Variants in SLC2A9 observed in about 807,000 individuals in gnomAD.
The protein encoded by SLC2A9 is solute carrier family 2, facilitated glucose transporter member 9.
SLC2A9 carries 39 observed loss-of-function variants against 50.6 expected under a neutral mutation model. That is an observed-to-expected ratio of 0.77 (90% confidence interval 0.60 to 1.01). The LOEUF (loss-of-function observed/expected upper bound fraction) is 1.01. Among genes scored for constraint, SLC2A9 ranks in the 50% least tolerant of loss-of-function variants. The pLI is 0.00. For missense variants in SLC2A9, 686 were observed against 677.6 expected (o/e 1.01, Z -0.14); for synonymous variants, 324 against 276.9 (o/e 1.17, Z -1.69).
At chr4:9,862,164 C>T (rs1560205890) in intron 10 of SLC2A9, among the ~76,000 whole-genome samples, 1 of 150,866 alleles carries the variant, frequency 6.6e-6, no homozygotes, top group Non-Finnish European at 1.5e-5. Context: ...AGATATTCTG[C>T]TCCCACCCTC....
chr4:9,774,181 A>T (rs1444224035), intron 1 of SLC2A9, among the ~76,000 whole-genome samples: 1 of 151,728 alleles, frequency 6.6e-6, no homozygotes, highest in Non-Finnish European at 1.5e-5. Flanking sequence ...TTTAGTAGAG[A>T]TGGGGTTTTG....
At chr4:9,850,279 G>C (rs1729665045) in intron 10 of SLC2A9, among the ~76,000 whole-genome samples, 2 of 152,200 alleles carry the variant, frequency 1.3e-5, no homozygotes, top group Non-Finnish European at 2.9e-5. Context: ...ACGACAGGGA[G>C]AACTGCTTAG....
At chr4:9,920,977 G>A (rs1350536538) in intron 6 of SLC2A9, among the ~76,000 whole-genome samples, 3 of 152,158 alleles carry the variant, frequency 2.0e-5, no homozygotes, top group Non-Finnish European at 1.5e-5. Context: ...ACCATGGCTC[G>A]GAGCTTCCCA....
intron 7 of SLC2A9, among the ~76,000 whole-genome samples, chr4:9,919,558 A>AC (rs34426626): frequency 0.51 from 77,738 of 151,876 alleles, 20,582 homozygotes; most frequent in East Asian, 0.68. Context: ...AAGCTGTCTT[A>AC]CTGGGGCCCT....
At chr4:9,792,174 T>C (rs1292948581) in intron 3 of SLC2A9, among the ~76,000 whole-genome samples, 2 of 142,034 alleles carry the variant, frequency 1.4e-5, no homozygotes, top group East Asian at 4.0e-4. Flanking sequence ...TTTTTTTTTT[T>C]TTTTTTTTTT....
At position 9,936,826 on chromosome 4, in the gene SLC2A9, C is replaced by T. The variant is rs1358887328; in HGVS notation, c.814+5087G>A. Among the ~76,000 whole-genome samples, 9 of 152,150 alleles carry T rather than the reference C, an allele frequency of 5.9e-5. 1 individual carries two copies. ...TGAAATCTTTGATATGGTCTCTAAACTCTCTGGTGATTTGTTGTACATGGG... is the reference window on the plus strand; with the variant it reads ...TGAAATCTTTGATATGGTCTCTAAATTCTCTGGTGATTTGTTGTACATGGG... On this transcript the variant is annotated intron_variant, in intron 6 of 11. Coordinates refer to ENST00000264784, the MANE Select transcript of SLC2A9 (RefSeq NM_020041.3).
At chr4:9,808,856 G>T (rs1367797438) in intron 3 of SLC2A9, among the ~76,000 whole-genome samples, 1 of 152,110 alleles carries the variant, frequency 6.6e-6, no homozygotes, top group African/African-American at 2.4e-5. Context: ...AACTCCAGGG[G>T]CACCATTCAC....
chr4:9,985,797 G>A lies in SLC2A9; in HGVS notation c.411-4C>T, dbSNP rs780287340. On this transcript the variant is annotated splice_polypyrimidine_tract_variant and splice_region_variant and intron_variant, in intron 3 of 11. Coordinates refer to ENST00000264784, the MANE Select transcript of SLC2A9 (RefSeq NM_020041.3). ...ATTGGCCAGCAAAGTGTGCTTCCTG[G>A]AAAGAAAGGAAAGATTTGATGAAGA... 5.0e-6 allele frequency: 8 copies of A among 1,613,984 alleles called. No homozygotes were observed. In the Admixed American group the frequency reaches 6.7e-5, roughly 13 times the overall value.
chr4:9,942,878 C>A (rs540874923), intron 5 of SLC2A9, among the ~76,000 whole-genome samples: 1 of 152,202 alleles, frequency 6.6e-6, no homozygotes, highest in African/African-American at 2.4e-5. Flanking sequence ...GAGGAAAAAC[C>A]AAGTCCTCAA....
At chr4:10,024,159 C>G (rs1015292613), upstream of SLC2A9, among the ~76,000 whole-genome samples, 1 of 152,170 alleles carries the variant, frequency 6.6e-6, no homozygotes, top group Admixed American at 6.5e-5. Context: ...CCCAACCTCT[C>G]GCTGCCTCTG....
At chr4:10,005,403 G>A (rs186012784) in intron 2 of SLC2A9, among the ~76,000 whole-genome samples, 15 of 152,330 alleles carry the variant, frequency 9.8e-5, no homozygotes, top group Admixed American at 2.6e-4. Context: ...TTGCCTGCCA[G>A]CCTCAGGAGT....
chr4:10,032,733 T>C (rs1763975017), intron 1 of SLC2A9, among the ~76,000 whole-genome samples: 1 of 152,152 alleles, frequency 6.6e-6, no homozygotes, highest in East Asian at 1.9e-4. Context: ...CTACTGTCAT[T>C]ACCCAGCCCG....
rs1748178060 is a variant in SLC2A9, at chr4:9,941,790, G to C, written c.814+123C>G. ...AAGGTACCCTATGATACCCAGCCCA[G>C]TGCCTGCAAAAAGGAACAATGACAA... On this transcript the variant is annotated intron_variant, in intron 6 of 11. Transcript: ENST00000264784. The C allele has an allele frequency of 5.7e-6, 8 of 1,397,930 alleles. No homozygotes were observed. The South Asian group carries it at 7.3e-5, about 13-fold the overall frequency. The allele number at this position is 1,397,930 out of a possible 1,614,324, so 86.6% of individuals were successfully genotyped here.
At position 10,018,925 on chromosome 4, in the gene SLC2A9, G is replaced by A. The variant is rs757774451; in HGVS notation, c.249+50C>T. On this transcript the variant is annotated intron_variant, in intron 2 of 11. Transcript: ENST00000264784. ...AGCCCAGGGCCCTTGCGCACCCGAA[G>A]GTTTCCGCAGGGCCGCAGCGCCCTC... The A allele has an allele frequency of 8.5e-6, 13 of 1,533,856 alleles. No individual in the cohort carries two copies. The African/African-American group carries it at 1.4e-4, about 16-fold the overall frequency.
chr4:9,851,719 G>GA (rs59107876), intron 10 of SLC2A9, among the ~76,000 whole-genome samples: 33,800 of 151,950 alleles, frequency 0.22, 3,879 homozygotes, highest in Admixed American at 0.28. Context: ...GCCATTTTAA[G>GA]AAAAAACCAA....
chr4:9,783,925 C>G (rs180936488), intron 3 of SLC2A9: 208 of 173,412 alleles, frequency 1.2e-3, no homozygotes, highest in East Asian at 4.8e-3. Flanking sequence ...CATTTCTTCT[C>G]TCTGTGCTGG....
downstream of SLC2A9, among the ~76,000 whole-genome samples, chr4:9,794,364 C>A (rs1354646764): frequency 2.0e-5 from 3 of 152,192 alleles, no homozygotes; most frequent in Non-Finnish European, 4.4e-5. Context: ...CCATGTTGGT[C>A]AGGTTGGTCT....
intron 10 of SLC2A9, among the ~76,000 whole-genome samples, chr4:9,868,229 T>A (rs1732828789): frequency 6.6e-6 from 1 of 152,226 alleles, no homozygotes; most frequent in South Asian, 2.1e-4. Flanking sequence ...GCGCCACTCA[T>A]CTCTGATGGG....
rs1745239253 is a variant in SLC2A9, at chr4:9,928,055, C to T, written c.815-7483G>A. On this transcript the variant is annotated intron_variant, in intron 6 of 11. Coordinates refer to ENST00000264784, the MANE Select transcript of SLC2A9 (RefSeq NM_020041.3). ...TTTTTGGGAGGCTGAGGTGGGAGGA[C>T]CTCTTGAGCCCAGGAGTTCGAGGCC... Among the ~76,000 whole-genome samples the T allele has an allele frequency of 2.6e-5, 4 of 152,176 alleles. No homozygotes were observed. In the South Asian group the frequency reaches 8.3e-4, roughly 32 times the overall value.
Sources: allele counts gnomAD v4.1 joint callset (sites outside exome capture counted in the v4.1 genomes callset), GRCh38; gene constraint gnomAD v4.1.1; transcripts MANE v1.5; gene names NCBI Gene and HGNC (gene_info 2026-07-23, HGNC 2026-07-21).